DDX50: variants seen among roughly 807,000 people sequenced by gnomAD.
DDX50 encodes the protein DExD-box helicase 50, also known as ATP-dependent RNA helicase DDX50.
DDX50 carries 56 observed loss-of-function variants against 94.8 expected under a neutral mutation model. That is an observed-to-expected ratio of 0.59 (90% CI 0.48 to 0.74). DDX50 has a LOEUF of 0.74. DDX50 is among the 30% of genes least tolerant of loss of function. The pLI is 0.00. For synonymous variants in DDX50, 264 were observed against 295.4 expected, an observed-to-expected ratio of 0.89 and a Z score of 1.09; for missense variants, 713 against 881.2, an observed-to-expected ratio of 0.81 and a Z score of 2.42.
chr10:68,930,745 G>A lies in DDX50; in HGVS notation c.1240-3454G>A, dbSNP rs571025029. ...AATGGCTTATTGGAGCCTCAACTGC[G>A]TGGGCCAAAGTGATCCTCCCACCTC... On this transcript the variant is annotated intron_variant, in intron 8 of 14. Transcript: ENST00000373585. Among the ~76,000 whole-genome samples, 7 of 152,194 alleles carry A rather than the reference G, an allele frequency of 4.6e-5. 1 individual carries two copies. Among genetic ancestry groups the A allele is most frequent in the African/African-American group, 1.4e-4 (6 of 41,522 alleles).
chr10:68,919,322 A>C (rs1031492877), intron 7 of DDX50, among the ~76,000 whole-genome samples: 13 of 152,264 alleles, frequency 8.5e-5, no homozygotes, highest in African/African-American at 3.1e-4. Flanking sequence ...TCTTGTGTAC[A>C]TTTGCCTATT....
intron 7 of DDX50, among the ~76,000 whole-genome samples, chr10:68,919,269 G>A (rs1405702748): frequency 6.6e-6 from 1 of 152,030 alleles, no homozygotes; most frequent in African/African-American, 2.4e-5. Flanking sequence ...ATGTTTTTGA[G>A]GTTCATTCAT....
At chr10:68,931,305 C>T (rs1269405329) in intron 8 of DDX50, among the ~76,000 whole-genome samples, 2 of 149,474 alleles carry the variant, frequency 1.3e-5, no homozygotes, top group Admixed American at 6.8e-5. Flanking sequence ...CTTAGGCCAC[C>T]GATAACCTCT....
intron 14 of DDX50, among the ~76,000 whole-genome samples, chr10:68,944,844 CTTTCTTT>C: frequency 6.6e-6 from 1 of 152,204 alleles, no homozygotes; most frequent in South Asian, 2.1e-4. Context: ...TGTGCCTGGC[CTTTCTTT>C]TTATATTTTT....
At chr10:68,924,117 C>G (rs377550166) in intron 8 of DDX50, among the ~76,000 whole-genome samples, 10 of 149,758 alleles carry the variant, frequency 6.7e-5, no homozygotes, top group Non-Finnish European at 1.5e-4. Context: ...GGATTATAGT[C>G]GGTGGCACCA....
intron 7 of DDX50, among the ~76,000 whole-genome samples, chr10:68,918,759 C>T (rs970995370): frequency 6.6e-6 from 1 of 152,092 alleles, no homozygotes; most frequent in East Asian, 1.9e-4. Flanking sequence ...CGCTGTCAAC[C>T]ACTAGTCTGT....
At chr10:68,903,512 C>G (rs1181570425) in intron 1 of DDX50, among the ~76,000 whole-genome samples, 1 of 141,686 alleles carries the variant, frequency 7.1e-6, no homozygotes, top group Non-Finnish European at 1.5e-5. Context: ...CTAAAAATAC[C>G]AAAAAAGGCC....
At position 68,919,923 on chromosome 10, in the gene DDX50, T is replaced by C; in HGVS notation, c.1181T>C (p.Ile394Thr). The change falls in exon 8 of 15, where the codon ATT becomes ACT. Residue 394 changes from isoleucine (I) to threonine (T), a missense_variant. By Grantham distance (89) the Ile-to-Thr change is moderately conservative. Around this residue, in one of 2 missense-constraint regions of DDX50, gnomAD observed 428 missense variants for 602.3 expected, o/e 0.71. Transcript: ENST00000373585. ...AGTGGGTCTGAAGGGAGGGCTATTA[T>C]TTTCTGTGAGACCAAGAAGAATGTA... ...VYSGSEGRAI[I>T]FCETKKNVTE... The C allele has an allele frequency of 6.2e-7, 1 of 1,614,188 alleles. No individual in the cohort carries two copies. The highest frequency in any genetic ancestry group is 8.5e-7 in the Non-Finnish European group (1 of 1,180,004).
At chr10:68,923,156 T>C (rs1299886720) in intron 8 of DDX50, among the ~76,000 whole-genome samples, 1 of 145,368 alleles carries the variant, frequency 6.9e-6, no homozygotes, top group Non-Finnish European at 1.5e-5. Flanking sequence ...TGTGTATATA[T>C]ACATATAAAA....
In DDX50 at chr10:68,934,401, T is replaced by A. The variant is rs1214519888; in HGVS notation, c.1401+41T>A. On this transcript the variant is annotated intron_variant, in intron 9 of 14. Transcript: ENST00000373585. The surrounding 1 kb of genome is among the most constrained non-coding windows in gnomAD (Gnocchi z 4.0). The stretch of plus-strand genomic sequence containing the variant: ...TGATTTGGGAAAAATAAGAGCAATT[T>A]TATAAATTCCCATTTAATTTACAAC... 1 of 1,607,404 alleles carries A rather than the reference T, an allele frequency of 6.2e-7. No homozygotes were observed. Among genetic ancestry groups the A allele is most frequent in the Non-Finnish European group, 8.5e-7 (1 of 1,178,212 alleles).
intron 8 of DDX50, among the ~76,000 whole-genome samples, chr10:68,931,392 A>AATGT (rs1842259873): frequency 1.2e-5 from 1 of 85,760 alleles, no homozygotes; most frequent in Non-Finnish European, 2.1e-5. Context: ...TAAAAAAAAA[A>AATGT]ATATATATAT....
In DDX50 at chr10:68,911,223, A is replaced by G. The variant is rs1564602212; in HGVS notation, c.616A>G (p.Ile206Val). Residue 206 changes from isoleucine (I) to valine (V), a missense_variant, in exon 4 of 15, where the codon ATT becomes GTT. Around this residue, in one of 2 missense-constraint regions of DDX50, gnomAD observed 285 missense variants for 278.9 expected, o/e 1.02. Coordinates refer to ENST00000373585, the MANE Select transcript of DDX50 (RefSeq NM_024045.2). ...AAGACTCCAAAGAAATCAAGAAACA[A>G]TTAAAAAAAGCCGCTCACCAAAGGT... ...IERLQRNQET[I>V]KKSRSPKVLV... The G allele has an allele frequency of 5.6e-6, 9 of 1,601,112 alleles. No homozygotes were observed. Among genetic ancestry groups the G allele is most frequent in the Non-Finnish European group, 6.8e-6 (8 of 1,176,478 alleles).
chr10:68,946,479 G>T lies in DDX50; in HGVS notation c.2063G>T (p.Gly688Val). The T allele has an allele frequency of 6.2e-7, 1 of 1,613,882 alleles. No individual in the cohort carries two copies. Among genetic ancestry groups the T allele is most frequent in the Non-Finnish European group, 8.5e-7 (1 of 1,179,928 alleles). ...QRSGWSSGRSGRSGRSGGRSG... is the reference protein window; with the variant it reads ...QRSGWSSGRSVRSGRSGGRSG... The stretch of plus-strand genomic sequence containing the variant: ...AGTGGCTGGTCAAGTGGTCGATCAG[G>T]CCGGTCAGGCCGGTCAGGTGGTCGA... Residue 688 changes from glycine to valine, a missense_variant, in exon 15 of 15, where the codon GGC (glycine) becomes GTC (valine). This residue lies in a region of DDX50 where 428 missense variants were observed against 602.3 expected (regional missense o/e 0.71). Coordinates refer to ENST00000373585, the MANE Select transcript of DDX50 (RefSeq NM_024045.2).
chr10:68,909,933 A>T (rs1196369743), intron 2 of DDX50, among the ~76,000 whole-genome samples: 1 of 152,150 alleles, frequency 6.6e-6, no homozygotes, highest in Non-Finnish European at 1.5e-5. Flanking sequence ...AAGTGCTGGG[A>T]TTACGGGCAT....
At chr10:68,914,451 G>A (rs560218187) in intron 7 of DDX50, among the ~76,000 whole-genome samples, 27 of 152,252 alleles carry the variant, frequency 1.8e-4, no homozygotes, top group Middle Eastern at 3.4e-3. Context: ...AGACAGATTT[G>A]AAGTGTTTCT....
chr10:68,946,293 C>T (rs561551845), intron 14 of DDX50, 59 bp from the exon 15 acceptor site: 21 of 1,528,872 alleles, frequency 1.4e-5, no homozygotes, highest in Admixed American at 4.1e-5. Flanking sequence ...TTGTACTTAA[C>T]ATGTTTGCTT....
At chr10:68,915,015 T>G (rs1841741718) in intron 7 of DDX50, among the ~76,000 whole-genome samples, 1 of 103,644 alleles carries the variant, frequency 9.6e-6, no homozygotes, top group Non-Finnish European at 2.2e-5. Context: ...AGGGAGACCC[T>G]GTCTCAAAAA....
chr10:68,927,570 G>A (rs578144265), intron 8 of DDX50, among the ~76,000 whole-genome samples: 8 of 152,312 alleles, frequency 5.3e-5, no homozygotes, highest in African/African-American at 1.7e-4. Flanking sequence ...ACGTACATAT[G>A]CACACATACT....
chr10:68,904,292 C>CAG (rs1443767693), intron 1 of DDX50, among the ~76,000 whole-genome samples: 1 of 152,046 alleles, frequency 6.6e-6, no homozygotes, highest in African/African-American at 2.4e-5. Context: ...GCCTGGGAGA[C>CAG]AGAGTAAGAC....
Sources: gnomAD v4.1 joint callset for allele counts (sites outside exome capture counted in the v4.1 genomes callset) on GRCh38, gnomAD v4.1.1 for gene constraint, gnomAD v4.1.1 regional missense constraint, Gnocchi (gnomAD v3.1) non-coding constraint, MANE v1.5 for transcripts, NCBI Gene and HGNC (gene_info 2026-07-23, HGNC 2026-07-21) for gene names.